Variants in SMARCA1 observed in about 807,000 individuals in gnomAD.
SMARCA1 encodes the protein SNF2 related chromatin remodeling ATPase 1.
In SMARCA1, 17 loss-of-function variants were observed where a neutral mutation model predicts 93.6. The observed-to-expected ratio is 0.18, with a 90% CI of 0.12 to 0.27. The LOEUF is 0.27. SMARCA1 is among the 10% of genes least tolerant of loss of function. SMARCA1 has a pLI of 1.00. For synonymous variants in SMARCA1, 271 were observed against 271.4 expected, an observed-to-expected ratio of 1.00 and a Z score of 0.01; for missense variants, 630 against 819.0, an observed-to-expected ratio of 0.77 and a Z score of 2.82.
intron 1 of SMARCA1, among the ~76,000 whole-genome samples, chrX:129,518,983 T>A (rs1048410855): frequency 6.7e-4 from 75 of 111,930 alleles, no homozygotes; most frequent in Admixed American, 2.5e-3. Context: ...TGTAATGCAA[T>A]GTGATCACAT....
intron 23 of SMARCA1, among the ~76,000 whole-genome samples, chrX:129,462,573 A>G (rs1932825077): frequency 8.9e-6 from 1 of 111,809 alleles, no homozygotes; most frequent in Non-Finnish European, 1.9e-5. Flanking sequence ...ATAAGCAAAA[A>G]TTATCCATTA....
chrX:129,520,024 T>C (rs1935330966), intron 1 of SMARCA1, among the ~76,000 whole-genome samples: 1 of 106,502 alleles, frequency 9.4e-6, no homozygotes, highest in Non-Finnish European at 1.9e-5. Context: ...AATCTAATTA[T>C]ATGCTAATTA....
intron 21 of SMARCA1, 148 bp from the exon 22 acceptor site, chrX:129,466,110 T>C: frequency 7.4e-6 from 2 of 272,085 alleles, no homozygotes. Context: ...TATAATATGT[T>C]AAATTATTAA....
chrX:129,489,610 T>G (rs2124272715), intron 15 of SMARCA1, among the ~76,000 whole-genome samples: 1 of 112,531 alleles, frequency 8.9e-6, no homozygotes, highest in African/African-American at 3.2e-5. Flanking sequence ...CAAGGCGGAG[T>G]GCAGTGGCGC....
At chrX:129,491,701 A>G (rs1263989670) in intron 14 of SMARCA1, among the ~76,000 whole-genome samples, 1 of 111,828 alleles carries the variant, frequency 8.9e-6, no homozygotes, top group East Asian at 2.8e-4. Context: ...ATTTCATGAA[A>G]AAAACCAAAA....
At chrX:129,510,394 G>A (rs1018658881) in intron 6 of SMARCA1, among the ~76,000 whole-genome samples, 10 of 111,939 alleles carry the variant, frequency 8.9e-5, no homozygotes, top group Admixed American at 8.5e-4. Flanking sequence ...TTTGAAGACC[G>A]GTTTTCAAGA....
At chrX:129,505,405 G>T (rs980152868) in intron 8 of SMARCA1, among the ~76,000 whole-genome samples, 2 of 110,465 alleles carry the variant, frequency 1.8e-5, no homozygotes, top group African/African-American at 6.6e-5. Flanking sequence ...CCAGCTACTG[G>T]GGAGGCTGAG....
At chrX:129,516,089 A>G in intron 3 of SMARCA1, 95 bp from the exon 4 acceptor site, 1 of 713,086 alleles carries the variant, frequency 1.4e-6, no homozygotes, top group Non-Finnish European at 2.1e-6. Flanking sequence ...ATAGAAAAAG[A>G]ATGAGTTGTC....
chrX:129,511,292 G>A (rs1040213516), intron 6 of SMARCA1, among the ~76,000 whole-genome samples: 4 of 111,463 alleles, frequency 3.6e-5, no homozygotes, highest in African/African-American at 6.5e-5. Flanking sequence ...TGAAAGCTGC[G>A]TCTATGCATA....
intron 17 of SMARCA1, among the ~76,000 whole-genome samples, chrX:129,482,202 G>C (rs1471156670): frequency 1.4e-5 from 1 of 72,034 alleles, no homozygotes; most frequent in Non-Finnish European, 2.5e-5. Flanking sequence ...GAGGGGGGAG[G>C]GATAGCATTG....
At position 129,489,066 on chromosome X, in the gene SMARCA1, C is replaced by T; in HGVS notation, c.1968G>A (p.Gln656=). The T allele has an allele frequency of 8.4e-7, 1 of 1,188,645 alleles. No individual in the cohort carries two copies. The highest frequency in any genetic ancestry group is 1.1e-6 in the Non-Finnish European group (1 of 876,547). Residue 656 remains glutamine (Q), a synonymous_variant, in exon 16 of 25, where the codon CAG becomes CAA. Transcript: ENST00000371121. ...VIQQGRLIDQ[Q]SNKLAKEEML... Reference sequence around the variant, plus strand: ...TTTCCTCTTTTGCCAGCTTGTTAGACTGTTGGTCAATGAGTCTTCCTAATG... The same window carrying T: ...TTTCCTCTTTTGCCAGCTTGTTAGATTGTTGGTCAATGAGTCTTCCTAATG...
At chrX:129,513,727 C>T (rs931149083) in intron 5 of SMARCA1, among the ~76,000 whole-genome samples, 2 of 109,278 alleles carry the variant, frequency 1.8e-5, no homozygotes, top group African/African-American at 6.6e-5. Flanking sequence ...ATTAACCAAG[C>T]TCCTCCCCCT....
At chrX:129,506,340 C>G (rs1042809115) in intron 7 of SMARCA1, 129 bp from the exon 8 acceptor site, 22 of 506,854 alleles carry the variant, frequency 4.3e-5, no homozygotes, top group Non-Finnish European at 7.0e-5. Flanking sequence ...TGGAAAAATA[C>G]CCTAGTTCAG....
intron 19 of SMARCA1, 27 bp from the exon 20 acceptor site, chrX:129,471,353 T>A: frequency 9.1e-7 from 1 of 1,104,646 alleles, no homozygotes; most frequent in Non-Finnish European, 1.2e-6. Flanking sequence ...AAACTAAGAG[T>A]AAACTGATGA....
In SMARCA1 at chrX:129,486,810, TTGA is replaced by T. The variant is rs35899125; in HGVS notation, c.2217+205_2217+207del. ...GCAGCAGCAGCAGCAACAGCAAAAA[TTGA>T]TGATGATGATGATGATGATGATGAC... On this transcript the variant is annotated intron_variant, in intron 17 of 24. Coordinates refer to ENST00000371121, the MANE Select transcript of SMARCA1 (RefSeq NM_001282874.2). 1.2e-3 allele frequency among the ~76,000 whole-genome samples: 129 copies of T among 106,499 alleles called. 4 individuals carry two copies. The highest frequency in any genetic ancestry group is 2.8e-3 in the Admixed American group (28 of 9,893). The allele number at this position is 106,499 out of a possible 115,157, so 92.5% of individuals were successfully genotyped here. A position where few individuals can be genotyped will look rare whatever the true frequency, so the allele number is the denominator to read the frequency against.
chrX:129,496,672 C>T (rs2124292534), intron 12 of SMARCA1, 78 bp downstream of exon 12: 1 of 987,649 alleles, frequency 1.0e-6, no homozygotes, highest in East Asian at 3.2e-5. Flanking sequence ...GGCAAAAGTT[C>T]AAAACTACCT....
intron 23 of SMARCA1, among the ~76,000 whole-genome samples, chrX:129,463,347 A>C (rs1932838931): frequency 8.9e-6 from 1 of 111,737 alleles, no homozygotes; most frequent in African/African-American, 3.2e-5. Flanking sequence ...CACTGTGCTA[A>C]AGGGGACCTT....
intron 12 of SMARCA1, among the ~76,000 whole-genome samples, chrX:129,496,524 C>A (rs1934333985): frequency 9.1e-6 from 1 of 110,314 alleles, no homozygotes; most frequent in Non-Finnish European, 1.9e-5. Context: ...TGGTGTAGTG[C>A]CCTTTAGATA....
In SMARCA1 at chrX:129,473,849, T is replaced by C. The variant is rs1269799409; in HGVS notation, c.2443-2523A>G. Among the ~76,000 whole-genome samples the C allele has an allele frequency of 9.8e-5, 11 of 112,073 alleles. No individual in the cohort carries two copies. The Admixed American group carries it at 1.0e-3, about 11-fold the overall frequency. On this transcript the variant is annotated intron_variant, in intron 19 of 24. Coordinates refer to ENST00000371121, the MANE Select transcript of SMARCA1 (RefSeq NM_001282874.2). Reference sequence around the variant, plus strand: ...GCACTTTCTGGGGTGACAGAAATGGTCTATATCTTTATAGGAGGAGTTCGA... The same window carrying C: ...GCACTTTCTGGGGTGACAGAAATGGCCTATATCTTTATAGGAGGAGTTCGA...
Sources: allele counts gnomAD v4.1 joint callset (sites outside exome capture counted in the v4.1 genomes callset), GRCh38; gene constraint gnomAD v4.1.1; transcripts MANE v1.5; gene names NCBI Gene and HGNC (gene_info 2026-07-23, HGNC 2026-07-21).